Variants in DDX59 observed in about 807,000 individuals in gnomAD.
DDX59 encodes the protein probable ATP-dependent RNA helicase DDX59.
In DDX59, 30 loss-of-function variants were observed where a neutral mutation model predicts 51.9. The ratio of observed to expected loss-of-function variants is 0.58; its 90% CI spans 0.43 to 0.78. DDX59 has a LOEUF of 0.78. Ranked by LOEUF, DDX59 falls within the 30% of genes least tolerant of loss-of-function variation. The pLI, the probability that DDX59 is intolerant of heterozygous loss-of-function variation, is 0.00. For missense variants in DDX59, 672 were observed against 730.8 expected, an observed-to-expected ratio of 0.92 and a Z score of 0.93; for synonymous variants, 255 against 253.3, an observed-to-expected ratio of 1.01 and a Z score of -0.06.
downstream of DDX59, among the ~76,000 whole-genome samples, chr1:200,642,939 C>T (rs1483175166): frequency 6.6e-6 from 1 of 152,094 alleles, no homozygotes; most frequent in Non-Finnish European, 1.5e-5. Flanking sequence ...ACGGGAAGAT[C>T]ATGTATGTAC....
At position 200,644,538 on chromosome 1, in the gene DDX59, C is replaced by T. The variant is rs1193849306; in HGVS notation, c.1597-21G>A. 2.6e-6 allele frequency: 4 copies of T among 1,541,192 alleles called. No individual in the cohort carries two copies. In the South Asian group the frequency reaches 5.1e-5, roughly 20 times the overall value. ...CCAATCTGAAATAAAATGCAAAGAACATTTTCAAGATGTCCATGTAAAATC... is the reference window on the plus strand; with the variant it reads ...CCAATCTGAAATAAAATGCAAAGAATATTTTCAAGATGTCCATGTAAAATC... On this transcript the variant is annotated intron_variant, in intron 7 of 7. Coordinates refer to ENST00000331314, the MANE Select transcript of DDX59 (RefSeq NM_001031725.6).
chr1:200,652,514 C>T (rs1661730952), intron 4 of DDX59, among the ~76,000 whole-genome samples: 3 of 151,820 alleles, frequency 2.0e-5, no homozygotes, highest in Admixed American at 2.0e-4. Flanking sequence ...GGACTACAGG[C>T]ACATGCCACC....
At chr1:200,649,627 A>AC (rs1210304221) in intron 5 of DDX59, among the ~76,000 whole-genome samples, 8 of 46,700 alleles carry the variant, frequency 1.7e-4, no homozygotes, top group African/African-American at 5.6e-4. Context: ...AGATTCCGTC[A>AC]CAAAAAAAAA....
intron 3 of DDX59, among the ~76,000 whole-genome samples, chr1:200,662,489 T>C (rs563227946): frequency 2.8e-3 from 421 of 152,262 alleles, no homozygotes; most frequent in Non-Finnish European, 4.3e-3. Context: ...ATCCCATCTC[T>C]ACTAAAAATA....
At chr1:200,643,196 G>A (rs1340127676), downstream of DDX59, among the ~76,000 whole-genome samples, 1 of 151,996 alleles carries the variant, frequency 6.6e-6, no homozygotes, top group East Asian at 1.9e-4. Context: ...TGAGGTGGGA[G>A]GATTGTTGGA....
intron 3 of DDX59, among the ~76,000 whole-genome samples, chr1:200,660,290 G>A (rs568644287): frequency 1.3e-5 from 2 of 152,214 alleles, no homozygotes; most frequent in East Asian, 1.9e-4. Flanking sequence ...TCTCAGTTTT[G>A]TTTATCTGAA....
At chr1:200,664,162 A>C (rs945659401) in intron 2 of DDX59, 76 bp from the exon 3 acceptor site, 7 of 1,498,786 alleles carry the variant, frequency 4.7e-6, no homozygotes, top group Non-Finnish European at 5.4e-6. Flanking sequence ...CTTCACAAGG[A>C]TTCCAGGAAC....
rs1662729896 is a variant in DDX59, at chr1:200,666,226, G to A, written c.515C>T (p.Pro172Leu). 6.2e-7 allele frequency: 1 copy of A among 1,614,052 alleles called. No individual in the cohort carries two copies. Among genetic ancestry groups the A allele is most frequent in the Non-Finnish European group, 8.5e-7 (1 of 1,180,034 alleles). Reference sequence around the variant, plus strand: ...GTCTTCCTGAAGGTTCAAAATAAAGGGGTGCTCTTTGTAGACATAGGAAGC... The same window carrying A: ...GTCTTCCTGAAGGTTCAAAATAAAGAGGTGCTCTTTGTAGACATAGGAAGC... ...LNASYVYKEHPFILNLQEDQI... is the reference protein window; with the variant it reads ...LNASYVYKEHLFILNLQEDQI... The change falls in exon 2 of 8, where the codon CCC (proline) becomes CTC (leucine). Residue 172 changes from proline (P) to leucine (L), a missense_variant. Coordinates refer to ENST00000331314, the MANE Select transcript of DDX59 (RefSeq NM_001031725.6).
intron 3 of DDX59, among the ~76,000 whole-genome samples, chr1:200,663,437 A>G (rs1662503092): frequency 6.6e-6 from 1 of 152,248 alleles, no homozygotes; most frequent in African/African-American, 2.4e-5. Context: ...TTTCAAAGCT[A>G]GAATCAGACC....
intron 4 of DDX59, among the ~76,000 whole-genome samples, chr1:200,653,225 C>T (rs2809361): frequency 0.084 from 12,792 of 152,252 alleles, 647 homozygotes; most frequent in South Asian, 0.14. Flanking sequence ...GTGGTAGAAA[C>T]TATCTGCCGA....
In DDX59 at chr1:200,648,580, G is replaced by C. The variant is rs762341650; in HGVS notation, c.1468-13C>G. ...CTTCAAGTAATCCCTTTCCAAAAAA[G>C]CAACAAAATTTATTATTCAGAATTT... is the stretch of plus-strand genomic sequence containing the variant. On this transcript the variant is annotated splice_polypyrimidine_tract_variant and intron_variant, in intron 6 of 7. Coordinates refer to ENST00000331314, the MANE Select transcript of DDX59 (RefSeq NM_001031725.6). 1 of 1,598,346 alleles carries C rather than the reference G, an allele frequency of 6.3e-7. No individual in the cohort carries two copies. Among genetic ancestry groups the C allele is most frequent in the South Asian group, 1.1e-5 (1 of 88,634 alleles).
chr1:200,644,895 CA>C (rs60033922), intron 7 of DDX59, among the ~76,000 whole-genome samples: 49,521 of 80,494 alleles, frequency 0.62, 13,451 homozygotes, highest in Middle Eastern at 0.76. Flanking sequence ...GACTCCATCT[CA>C]AAAAAAAAAA....
In DDX59 at chr1:200,648,458, A is replaced by T. The variant is rs1235757617; in HGVS notation, c.1577T>A (p.Met526Lys). The change falls in exon 7 of 8, where the codon ATG (methionine) becomes AAG (lysine). Residue 526 changes from methionine (M) to lysine (K), a missense_variant. By Grantham distance (95) the Met-to-Lys change is moderately conservative (BLOSUM62 -1). Coordinates refer to ENST00000331314, the MANE Select transcript of DDX59 (RefSeq NM_001031725.6). The stretch of plus-strand genomic sequence containing the variant: ...CCTTACCTGATGGACATACTCATCC[A>T]TACTTGAAGGCATATCAAAATTGAC... ...LVVNFDMPSS[M>K]DEYVHQIGRV... 2 of 1,614,060 alleles carry T rather than the reference A, an allele frequency of 1.2e-6. No individual in the cohort carries two copies. Among genetic ancestry groups the T allele is most frequent in the Non-Finnish European group, 8.5e-7 (1 of 1,180,016 alleles).
chr1:200,649,928 T>C (rs1409758368), intron 5 of DDX59, among the ~76,000 whole-genome samples: 1 of 151,022 alleles, frequency 6.6e-6, no homozygotes, highest in Non-Finnish European at 1.5e-5. Flanking sequence ...CTACAAGCCC[T>C]GCCTCCCAGA....
intron 5 of DDX59, among the ~76,000 whole-genome samples, chr1:200,649,871 C>G (rs1558116903): frequency 1.4e-5 from 2 of 145,664 alleles, no homozygotes; most frequent in Admixed American, 6.9e-5. Flanking sequence ...GAGACAGAGT[C>G]TCGCTCTGTC....
Position 200,644,465 on chromosome 1 carries a change from T to C in DDX59, c.1649A>G (p.Asn550Ser), listed in dbSNP as rs1162360138. 1.2e-6 allele frequency: 2 copies of C among 1,604,664 alleles called. No homozygotes were observed. Among genetic ancestry groups the C allele is most frequent in the Admixed American group, 1.7e-5 (1 of 58,756 alleles). The change falls in exon 8 of 8, where the codon AAT becomes AGT. Residue 550 changes from asparagine (N) to serine (S), a missense_variant. Physicochemically the swap from Asn to Ser is conservative, Grantham distance 46. Coordinates refer to ENST00000331314, the MANE Select transcript of DDX59 (RefSeq NM_001031725.6). ...GQNGTAITFI[N>S]NNSKRLFWDI... ...CCAGAAGAGTCTTTTTGAATTATTATTGATGAAAGTAATCGCTGTTCCATT... is the reference window on the plus strand; with the variant it reads ...CCAGAAGAGTCTTTTTGAATTATTACTGATGAAAGTAATCGCTGTTCCATT...
intron 7 of DDX59, among the ~76,000 whole-genome samples, chr1:200,647,274 G>A (rs1661349645): frequency 6.6e-6 from 1 of 152,138 alleles, no homozygotes; most frequent in South Asian, 2.1e-4. Flanking sequence ...CTGCTAGAGA[G>A]AGAAGCTATT....
chr1:200,649,153 G>T lies in DDX59; in HGVS notation c.1388C>A (p.Ala463Asp). The change falls in exon 6 of 8, where the codon GCC becomes GAC. Residue 463 changes from alanine to aspartate, a missense_variant. Transcript: ENST00000331314. ...TTTCAGCCCTGTGATTTTCTGAACG[G>T]CTTCACTCAAAAGATCTGCTCCTAG... is the stretch of plus-strand genomic sequence containing the variant. ...CKLGADLLSE[A>D]VQKITGLKSI... 1.3e-6 allele frequency: 2 copies of T among 1,597,526 alleles called. No individual in the cohort carries two copies. The highest frequency in any genetic ancestry group is 1.7e-6 in the Non-Finnish European group (2 of 1,174,508).
chr1:200,661,880 G>A (rs1479140798), intron 3 of DDX59, among the ~76,000 whole-genome samples: 1 of 152,146 alleles, frequency 6.6e-6, no homozygotes, highest in East Asian at 1.9e-4. Context: ...TCTGGAGGGA[G>A]GTGATTGGAT....
Sources: allele counts gnomAD v4.1 joint callset (sites outside exome capture counted in the v4.1 genomes callset), GRCh38; gene constraint gnomAD v4.1.1; transcripts MANE v1.5; gene names NCBI Gene and HGNC (gene_info 2026-07-23, HGNC 2026-07-21).